The following USP46 variants were observed in gnomAD, a reference collection of about 807,000 sequenced individuals.
The protein encoded by USP46 is ubiquitin carboxyl-terminal hydrolase 46.
A neutral mutation model predicts 44.4 loss-of-function variants in USP46; 12 were observed. The observed-to-expected ratio is 0.27, with a 90% CI of 0.17 to 0.44. The LOEUF (loss-of-function observed/expected upper bound fraction) is 0.44. Ranked by LOEUF, USP46 falls within the 20% of genes least tolerant of loss-of-function variation. USP46 has a pLI of 1.00. For missense variants in USP46, 248 were observed against 444.8 expected (o/e 0.56, Z 3.98); for synonymous variants, 155 against 161.5 (o/e 0.96, Z 0.31).
rs780997876 is a variant in USP46 at position 52,659,242 on chromosome 4, GC to G, written c.-93del. 573 of 1,393,222 alleles carry G rather than the reference GC, an allele frequency of 4.1e-4. 1 individual carries two copies. Among genetic ancestry groups the G allele is most frequent in the Non-Finnish European group, 4.4e-4 (465 of 1,054,250 alleles). 86.3% of individuals were successfully genotyped at this position (1,393,222 alleles called of 1,614,324 possible). ...GGCGCGCTGGCGGGGAGGCCGGGCG[GC>G]AGCGCGGCGGCCTGGGGTCCGGCTT... On this transcript the variant is annotated 5_prime_UTR_variant, in exon 1 of 9. Transcript: ENST00000441222. The surrounding 1 kb of genome is among the most constrained non-coding windows in gnomAD (Gnocchi z 4.2).
intron 1 of USP46, among the ~76,000 whole-genome samples, chr4:52,632,904 GAGAAAGAAAGAAAGA>G (rs1717895183): frequency 1.2e-5 from 1 of 86,882 alleles, no homozygotes; most frequent in Non-Finnish European, 2.3e-5. Context: ...GGAAGGGAAA[GAGAAAGAAAGAAAGA>G]GAAAGAAAGA....
intron 7 of USP46, among the ~76,000 whole-genome samples, chr4:52,599,745 T>G (rs1716387940): frequency 6.6e-6 from 1 of 152,086 alleles, no homozygotes. Context: ...AAAGCCAAAC[T>G]TCCCCCTCTG....
chr4:52,639,784 C>A (rs1381311160), intron 1 of USP46, among the ~76,000 whole-genome samples: 1 of 151,692 alleles, frequency 6.6e-6, no homozygotes, highest in Non-Finnish European at 1.5e-5. Flanking sequence ...GCAGCGTCAA[C>A]CTTTCAGGCT....
chr4:52,641,996 T>G (rs1718360359), intron 1 of USP46, among the ~76,000 whole-genome samples: 1 of 152,218 alleles, frequency 6.6e-6, no homozygotes, highest in Non-Finnish European at 1.5e-5. Flanking sequence ...TTATCAACTA[T>G]ACTTTCAAAG....
intron 1 of USP46, among the ~76,000 whole-genome samples, chr4:52,656,084 A>G (rs1268662065): frequency 1.3e-5 from 2 of 152,174 alleles, no homozygotes; most frequent in Non-Finnish European, 2.9e-5. Flanking sequence ...TTTTCCTGTT[A>G]CCCAGAAAAA....
intron 1 of USP46, chr4:52,656,258 G>C: frequency 6.5e-7 from 1 of 1,547,800 alleles, no homozygotes; most frequent in East Asian, 2.4e-5. Context: ...GGCCCACAGA[G>C]GAGCTAAGCA....
At chr4:52,646,597 C>G (rs1718558624) in intron 1 of USP46, among the ~76,000 whole-genome samples, 1 of 151,870 alleles carries the variant, frequency 6.6e-6, no homozygotes, top group Admixed American at 6.6e-5. Context: ...CATTTTATTT[C>G]TCTTTGGGTT....
At chr4:52,628,756 G>C (rs1295008711) in intron 2 of USP46, among the ~76,000 whole-genome samples, 1 of 152,174 alleles carries the variant, frequency 6.6e-6, no homozygotes, top group Non-Finnish European at 1.5e-5. Context: ...AAAATATGCT[G>C]CCTCATGTCA....
chr4:52,631,432 G>T (rs866678235), intron 1 of USP46, among the ~76,000 whole-genome samples: 1 of 152,092 alleles, frequency 6.6e-6, no homozygotes, highest in Non-Finnish European at 1.5e-5. Context: ...ACAAACAATC[G>T]CCAAGAACTT....
chr4:52,600,198 C>T (rs569598099), intron 7 of USP46, among the ~76,000 whole-genome samples: 8 of 152,134 alleles, frequency 5.3e-5, no homozygotes, highest in African/African-American at 1.7e-4. Flanking sequence ...TGTGTCTTTT[C>T]GTTACTCTAT....
Position 52,596,917 on chromosome 4 carries a change from T to C in USP46, c.*723A>G, listed in dbSNP as rs1374845510. 6.6e-6 allele frequency: 1 copy of C among 152,628 alleles called. No individual in the cohort carries two copies. Among genetic ancestry groups the C allele is most frequent in the African/African-American group, 2.4e-5 (1 of 41,452 alleles). The allele number at this position is 152,628 out of a possible 1,614,324, so 9.5% of individuals were successfully genotyped here. On this transcript the variant is annotated 3_prime_UTR_variant, in exon 9 of 9. Coordinates refer to ENST00000441222, the MANE Select transcript of USP46 (RefSeq NM_022832.4). ...CTGAAACTTGGTTTTGGTAGAAAGGTACGAAAATAACTTTTCATTGTCCAC... is the reference window on the plus strand; with the variant it reads ...CTGAAACTTGGTTTTGGTAGAAAGGCACGAAAATAACTTTTCATTGTCCAC...
intron 4 of USP46, 81 bp downstream of exon 4, chr4:52,625,937 A>T: frequency 7.6e-7 from 1 of 1,318,984 alleles, no homozygotes; most frequent in Non-Finnish European, 1.1e-6. Flanking sequence ...TAAATGCTAT[A>T]ATACGACATT....
intron 2 of USP46, 51 bp from the exon 3 acceptor site, chr4:52,628,214 C>A (rs1717667693): frequency 1.9e-6 from 3 of 1,570,304 alleles, no homozygotes; most frequent in African/African-American, 1.3e-5. Context: ...GGATGAGCCA[C>A]CTCTGGAATA....
At position 52,620,514 on chromosome 4, in the gene USP46, G is replaced by T. The variant is rs372488226; in HGVS notation, c.561+5504C>A. On this transcript the variant is annotated intron_variant, in intron 4 of 8. Transcript: ENST00000441222. ...TAGAAAGGCAGGGCTCTCACTGTAC[G>T]CTCAGTGCTTCAGGCTTTTACATAG... 2.0e-5 allele frequency among the ~76,000 whole-genome samples: 3 copies of T among 152,104 alleles called. No individual in the cohort carries two copies. The East Asian group carries it at 5.8e-4, about 29-fold the overall frequency.
At chr4:52,657,134 A>G (rs192355103) in intron 1 of USP46, among the ~76,000 whole-genome samples, 34 of 152,030 alleles carry the variant, frequency 2.2e-4, no homozygotes, top group Admixed American at 1.0e-3. Context: ...CATGGCGTCT[A>G]AATACAACAT....
At chr4:52,620,937 T>C (rs1717351534) in intron 4 of USP46, among the ~76,000 whole-genome samples, 1 of 152,046 alleles carries the variant, frequency 6.6e-6, no homozygotes, top group Non-Finnish European at 1.5e-5. Context: ...CATACAGCAA[T>C]AAAAACGAAT....
At chr4:52,630,065 T>G (rs1460526858) in intron 2 of USP46, among the ~76,000 whole-genome samples, 1 of 152,054 alleles carries the variant, frequency 6.6e-6, no homozygotes, top group Non-Finnish European at 1.5e-5. Context: ...AAACCAATTG[T>G]TTTTGAGTTA....
At chr4:52,632,906 GAAAGAAA>G (rs1560405686) in intron 1 of USP46, among the ~76,000 whole-genome samples, 2 of 99,258 alleles carry the variant, frequency 2.0e-5, no homozygotes, top group African/African-American at 8.8e-5. Context: ...AAGGGAAAGA[GAAAGAAA>G]GAAAGAGAAA....
intron 4 of USP46, among the ~76,000 whole-genome samples, chr4:52,620,934 C>A (rs1186172523): frequency 1.3e-5 from 2 of 152,110 alleles, no homozygotes; most frequent in Non-Finnish European, 2.9e-5. Context: ...TACCATACAG[C>A]AATAAAAACG....
Sources: allele counts gnomAD v4.1 joint callset (sites outside exome capture counted in the v4.1 genomes callset), GRCh38; gene constraint gnomAD v4.1.1; non-coding constraint Gnocchi (gnomAD v3.1); transcripts MANE v1.5; gene names NCBI Gene and HGNC (gene_info 2026-07-23, HGNC 2026-07-21).